The following SP6 variants were observed in gnomAD, a reference collection of about 807,000 sequenced individuals.
The protein encoded by SP6 is transcription factor Sp6.
In SP6, 10 loss-of-function variants were observed where a neutral mutation model predicts 23.4. The observed-to-expected ratio is 0.43, with a 90% CI of 0.26 to 0.72. The LOEUF is 0.72. Among genes scored for constraint, SP6 ranks in the 30% least tolerant of loss-of-function variants. SP6 has a pLI of 0.23. For missense variants in SP6, 482 were observed against 523.8 expected (o/e 0.92, Z 0.78); for synonymous variants, 238 against 238.7 (o/e 1.00, Z 0.03).
chr17:47,857,961 C>A (rs991128472), upstream of SP6, among the ~76,000 whole-genome samples: 1 of 151,696 alleles, frequency 6.6e-6, no homozygotes, highest in Non-Finnish European at 1.5e-5. Context: ...TCACTCCCAG[C>A]GCCAGCCCTC....
In SP6 at chr17:47,848,216, C is replaced by A. The variant is rs745432629; in HGVS notation, c.214G>T (p.Ala72Ser). ...DFSQGYELPG[A>S]SSRVTCEDLE... Reference sequence around the variant, plus strand: ...TCCTCGCAGGTTACCCGCGAGGAGGCCCCTGGCAGCTCATAGCCCTGCGAG... The same window carrying A: ...TCCTCGCAGGTTACCCGCGAGGAGGACCCTGGCAGCTCATAGCCCTGCGAG... The change falls in exon 2 of 2, where the codon GCC (alanine) becomes TCC (serine). Residue 72 changes from alanine (A) to serine (S), a missense_variant. By Grantham distance (99) the Ala-to-Ser change is moderately conservative (BLOSUM62 1). Coordinates refer to ENST00000536300, the MANE Select transcript of SP6 (RefSeq NM_001258248.2). This position sits in a 1 kb window ranked among gnomAD's most constrained non-coding sequence, Gnocchi z 5.3. 6.2e-6 allele frequency: 10 copies of A among 1,612,662 alleles called. No homozygotes were observed. The East Asian group carries it at 8.9e-5, about 14-fold the overall frequency.
At chr17:47,866,618 G>A in the SP6 span, among the ~76,000 whole-genome samples, 6 of 152,188 alleles carry the variant, frequency 3.9e-5, no homozygotes, top group South Asian at 2.1e-4. Flanking sequence ...GACAGCCACC[G>A]TGAACAAAGG....
Position 47,848,520 on chromosome 17 carries a change from A to T in SP6, c.-57-34T>A. The T allele has an allele frequency of 1.6e-6, 2 of 1,252,284 alleles. No individual in the cohort carries two copies. Among genetic ancestry groups the T allele is most frequent in the South Asian group, 3.2e-5 (2 of 62,062 alleles). The allele number at this position is 1,252,284 out of a possible 1,614,324, so 77.6% of individuals were successfully genotyped here. ...GGCGAAGAAGCAGAAAAGTAAGGGA[A>T]ATAACCAGCTCACTTTCCCTCCTAA... On this transcript the variant is annotated intron_variant, in intron 1 of 1. Transcript: ENST00000536300. This position sits in a 1 kb window ranked among gnomAD's most constrained non-coding sequence, Gnocchi z 5.3.
upstream of SP6, among the ~76,000 whole-genome samples, chr17:47,860,539 T>C (rs2034028159): frequency 6.6e-6 from 1 of 152,120 alleles, no homozygotes; most frequent in Non-Finnish European, 1.5e-5. Flanking sequence ...GACAAGGGGC[T>C]GCCAGGTCAG....
chr17:47,872,500 T>TGGCGGC, the SP6 span, among the ~76,000 whole-genome samples: 3 of 151,934 alleles, frequency 2.0e-5, no homozygotes, highest in Non-Finnish European at 2.9e-5. Context: ...GGAGGCTCAG[T>TGGCGGC]GGCGGCGGCG....
chr17:47,862,567 T>C, the SP6 span, among the ~76,000 whole-genome samples: 1 of 150,782 alleles, frequency 6.6e-6, no homozygotes, highest in Non-Finnish European at 1.5e-5. Flanking sequence ...TCTCAAAGGC[T>C]GTGAAAGGAG....
upstream of SP6, among the ~76,000 whole-genome samples, chr17:47,855,408 G>A (rs1474924144): frequency 2.0e-5 from 3 of 151,968 alleles, no homozygotes; most frequent in Admixed American, 6.6e-5. Context: ...CCTTTCTCTC[G>A]AAATAAAGTT....
the SP6 span, among the ~76,000 whole-genome samples, chr17:47,862,019 T>C: frequency 6.9e-6 from 1 of 144,684 alleles, no homozygotes; most frequent in Non-Finnish European, 1.5e-5. Flanking sequence ...CATTCCAGCC[T>C]GGGAGACAGA....
At chr17:47,871,448 A>T in the SP6 span, among the ~76,000 whole-genome samples, 33 of 152,300 alleles carry the variant, frequency 2.2e-4, no homozygotes, top group African/African-American at 7.5e-4. Flanking sequence ...ATTTAATAAG[A>T]ATGAGAAGTT....
chr17:47,852,335 C>A (rs1344403295), upstream of SP6, among the ~76,000 whole-genome samples: 3 of 152,114 alleles, frequency 2.0e-5, no homozygotes, highest in African/African-American at 4.8e-5. Flanking sequence ...AGGGAAGTTC[C>A]GTCCTCCACC....
the SP6 span, among the ~76,000 whole-genome samples, chr17:47,867,966 GA>G: frequency 2.6e-5 from 4 of 152,202 alleles, no homozygotes; most frequent in South Asian, 8.3e-4. Context: ...AACAGAGCAT[GA>G]CATGCAGCCA....
upstream of SP6, among the ~76,000 whole-genome samples, chr17:47,858,972 A>ACCACG (rs2034017207): frequency 6.6e-6 from 1 of 151,744 alleles, no homozygotes; most frequent in South Asian, 2.1e-4. Flanking sequence ...ACGGAGTTTC[A>ACCACG]CCACGTTGAC....
chr17:47,864,119 C>CA, the SP6 span, among the ~76,000 whole-genome samples: 8 of 150,344 alleles, frequency 5.3e-5, no homozygotes, highest in Non-Finnish European at 1.2e-4. Flanking sequence ...GCTGGGATTA[C>CA]AGGCGTGAGC....
At chr17:47,874,963 C>G in the SP6 span, among the ~76,000 whole-genome samples, 1 of 152,088 alleles carries the variant, frequency 6.6e-6, no homozygotes, top group African/African-American at 2.4e-5. Context: ...GGGAGAGGGG[C>G]CTAGACAGCT....
the SP6 span, among the ~76,000 whole-genome samples, chr17:47,861,475 G>C: frequency 2.3e-4 from 35 of 152,242 alleles, no homozygotes; most frequent in Non-Finnish European, 4.6e-4. Context: ...GCTTATGCCT[G>C]TAATCCCAGC....
In SP6 at chr17:47,847,419, C is replaced by T; in HGVS notation, c.1011G>A (p.Glu337=). 1 of 1,613,644 alleles carries T rather than the reference C, an allele frequency of 6.2e-7. No homozygotes were observed. The highest frequency in any genetic ancestry group is 8.5e-7 in the Non-Finnish European group (1 of 1,179,898). The change falls in exon 2 of 2, where the codon GAG becomes GAA. Residue 337 remains glutamate (E), a synonymous_variant. Coordinates refer to ENST00000536300, the MANE Select transcript of SP6 (RefSeq NM_001258248.2). ...DHLAKHMKTH[E]GAKEEAAGAA... is the part of the protein sequence containing the mutation. ...CCCCAGCCGCCTCCTCCTTGGCGCC[C>T]TCGTGGGTTTTCATGTGCTTGGCCA...
Position 47,847,991 on chromosome 17 carries a change from C to A in SP6, c.439G>T (p.Ala147Ser). ...GALTSPGHPG[A>S]LQAGLGGYVG... Reference sequence around the variant, plus strand: ...TAGCCCCCCAAGCCCGCCTGAAGCGCCCCCGGGTGGCCAGGTGAGGTCAGC... The same window carrying A: ...TAGCCCCCCAAGCCCGCCTGAAGCGACCCCGGGTGGCCAGGTGAGGTCAGC... The change falls in exon 2 of 2, where the codon GCG becomes TCG. Residue 147 changes from alanine to serine, a missense_variant. Ala to Ser is a moderately conservative substitution (Grantham distance 99). Around this residue, in one of 3 missense-constraint regions of SP6, gnomAD observed 330 missense variants for 332.3 expected, o/e 0.99. Transcript: ENST00000536300. 6.3e-7 allele frequency: 1 copy of A among 1,596,094 alleles called. No homozygotes were observed. The highest frequency in any genetic ancestry group is 8.5e-7 in the Non-Finnish European group (1 of 1,171,328).
the SP6 span, among the ~76,000 whole-genome samples, chr17:47,866,751 C>G: frequency 1.3e-3 from 192 of 152,278 alleles, no homozygotes; most frequent in Non-Finnish European, 2.3e-3. Context: ...AAAGAGGGAC[C>G]CACCACCTGC....
the SP6 span, among the ~76,000 whole-genome samples, chr17:47,873,955 C>T: frequency 5.3e-5 from 8 of 150,706 alleles, no homozygotes; most frequent in South Asian, 1.7e-3. Context: ...CTCCCCTCTT[C>T]CCTCCTCCTT....
Sources: allele counts gnomAD v4.1 joint callset (sites outside exome capture counted in the v4.1 genomes callset), GRCh38; gene constraint gnomAD v4.1.1; regional missense constraint gnomAD v4.1.1; non-coding constraint Gnocchi (gnomAD v3.1); transcripts MANE v1.5; gene names NCBI Gene and HGNC (gene_info 2026-07-23, HGNC 2026-07-21).